Variants in YEATS2 observed in about 807,000 individuals in gnomAD.
YEATS2 encodes the protein YEATS domain containing 2, also known as YEATS domain-containing protein 2.
In YEATS2, 77 loss-of-function variants were observed where a neutral mutation model predicts 163.2. The observed-to-expected ratio is 0.47, with a 90% CI of 0.39 to 0.57. The LOEUF (loss-of-function observed/expected upper bound fraction) is 0.57, where lower values mean the gene tolerates loss of function less well. Among genes scored for constraint, YEATS2 ranks in the 20% least tolerant of loss-of-function variants. The pLI is 0.00. For missense variants in YEATS2, 1,549 were observed against 1,729.8 expected (o/e 0.90, Z 1.85); for synonymous variants, 631 against 645.1 (o/e 0.98, Z 0.33).
intron 1 of YEATS2, among the ~76,000 whole-genome samples, chr3:183,714,747 G>A (rs990974193): frequency 5.9e-5 from 9 of 152,142 alleles, no homozygotes; most frequent in African/African-American, 1.2e-4. Context: ...AAGACACTGT[G>A]TGGGCTAACC....
intron 6 of YEATS2, among the ~76,000 whole-genome samples, chr3:183,727,375 C>G (rs1253760918): frequency 6.6e-5 from 10 of 152,120 alleles, no homozygotes; most frequent in Admixed American, 3.9e-4. Flanking sequence ...CCCCAATTTT[C>G]TTGTGGCCTA....
In YEATS2 at chr3:183,729,089, G is replaced by A. The variant is rs186804145; in HGVS notation, c.812+238G>A. 8.5e-5 allele frequency among the ~76,000 whole-genome samples: 13 copies of A among 152,190 alleles called. No homozygotes were observed. In the East Asian group the frequency reaches 1.7e-3, roughly 20 times the overall value. On this transcript the variant is annotated intron_variant, in intron 7 of 30. Coordinates refer to ENST00000305135, the MANE Select transcript of YEATS2 (RefSeq NM_018023.5). Reference sequence around the variant, plus strand: ...AGATTGAGACCATCCTGGCTAACACGGTGAAACCCGGTCTCCACTAAAGAT... The same window carrying A: ...AGATTGAGACCATCCTGGCTAACACAGTGAAACCCGGTCTCCACTAAAGAT...
chr3:183,716,838 C>A (rs867815395), intron 2 of YEATS2, among the ~76,000 whole-genome samples: 1 of 151,914 alleles, frequency 6.6e-6, no homozygotes, highest in South Asian at 2.1e-4. Context: ...TTTCTCCCCC[C>A]ACCAGAATTT....
At chr3:183,800,987 C>T (rs564012788) in intron 24 of YEATS2, 12 of 170,470 alleles carry the variant, frequency 7.0e-5, no homozygotes, top group Non-Finnish European at 1.5e-4. Flanking sequence ...TCTAAAAATG[C>T]TTCCTGAGGT....
chr3:183,721,015 G>C (rs1471116628), intron 4 of YEATS2, among the ~76,000 whole-genome samples: 1 of 152,146 alleles, frequency 6.6e-6, no homozygotes, highest in African/African-American at 2.4e-5. Flanking sequence ...TTGATTACAT[G>C]AGCAATGATT....
chr3:183,771,287 C>T lies in YEATS2; in HGVS notation c.1948-1018C>T, dbSNP rs552922971. 4.6e-5 allele frequency among the ~76,000 whole-genome samples: 7 copies of T among 152,216 alleles called. 1 individual carries two copies. The highest frequency in any genetic ancestry group is 1.7e-4 in the African/African-American group (7 of 41,512). On this transcript the variant is annotated intron_variant, in intron 15 of 30. Transcript: ENST00000305135. ...GTAGATCATTTGCATTTCTTCCAAC[C>T]TTGTGGAAGTCTGTTCATCTAGTTT...
intron 15 of YEATS2, among the ~76,000 whole-genome samples, chr3:183,768,849 A>G (rs1284390054): frequency 6.6e-6 from 1 of 152,112 alleles, no homozygotes; most frequent in Non-Finnish European, 1.5e-5. Flanking sequence ...GCGTGTGCCC[A>G]TAATCCCAGC....
At chr3:183,704,521 A>G (rs561525679) in intron 1 of YEATS2, among the ~76,000 whole-genome samples, 15 of 152,166 alleles carry the variant, frequency 9.9e-5, no homozygotes, top group Admixed American at 4.6e-4. Flanking sequence ...TTTCCATATC[A>G]TGGTGAGCTA....
intron 1 of YEATS2, among the ~76,000 whole-genome samples, chr3:183,701,051 A>ATGTGTG (rs141939254): frequency 3.4e-5 from 5 of 147,424 alleles, no homozygotes; most frequent in Middle Eastern, 3.2e-3. Context: ...GTATATATAT[A>ATGTGTG]TGTGTGTGTG....
intron 8 of YEATS2, among the ~76,000 whole-genome samples, chr3:183,739,174 C>T (rs1718686025): frequency 6.6e-6 from 1 of 152,088 alleles, no homozygotes; most frequent in Admixed American, 6.6e-5. Context: ...CAAATTGTCC[C>T]TGTTTGCAGA....
At chr3:183,798,163 A>G (rs1440591719) in intron 22 of YEATS2, 112 bp downstream of exon 22, 1 of 1,477,678 alleles carries the variant, frequency 6.8e-7, no homozygotes, top group Non-Finnish European at 9.2e-7. Flanking sequence ...CTGTCACGGT[A>G]TTCCCAGCGC....
At chr3:183,754,072 GT>G (rs1452527095) in intron 10 of YEATS2, 53 bp from the exon 11 acceptor site, 15 of 1,496,558 alleles carry the variant, frequency 1.0e-5, no homozygotes, top group Non-Finnish European at 1.3e-5. Context: ...CAACGGTAAG[GT>G]TTTATTTCAA....
chr3:183,794,838 G>T (rs941539123), intron 21 of YEATS2, among the ~76,000 whole-genome samples: 1 of 152,052 alleles, frequency 6.6e-6, no homozygotes, highest in Non-Finnish European at 1.5e-5. Flanking sequence ...CCCATCTAGG[G>T]CTAGATTTGA....
intron 15 of YEATS2, among the ~76,000 whole-genome samples, chr3:183,763,756 C>G (rs1468579124): frequency 1.3e-5 from 2 of 152,134 alleles, no homozygotes; most frequent in Non-Finnish European, 2.9e-5. Context: ...GGCAGGTATA[C>G]TCTAAAGCTA....
intron 1 of YEATS2, among the ~76,000 whole-genome samples, chr3:183,700,660 G>A (rs146343231): frequency 0.023 from 2,930 of 129,862 alleles, 92 homozygotes; most frequent in East Asian, 0.15. Flanking sequence ...AATCCCAGCT[G>A]CTCGGGAGGC....
chr3:183,793,661 G>C (rs1344456482), intron 21 of YEATS2, among the ~76,000 whole-genome samples: 2 of 125,464 alleles, frequency 1.6e-5, no homozygotes, highest in African/African-American at 6.2e-5. Flanking sequence ...CGCCCAGTCT[G>C]GAGTGCAGTG....
intron 1 of YEATS2, among the ~76,000 whole-genome samples, chr3:183,708,872 T>A (rs539897735): frequency 6.6e-6 from 1 of 151,712 alleles, no homozygotes; most frequent in East Asian, 1.9e-4. Context: ...TCTAAAAAAA[T>A]TTTTTTTGGC....
chr3:183,706,757 C>A (rs936329582), intron 1 of YEATS2, among the ~76,000 whole-genome samples: 1 of 152,012 alleles, frequency 6.6e-6, no homozygotes, highest in African/African-American at 2.4e-5. Flanking sequence ...CGGAGGTTGC[C>A]GCGAGCTGAG....
chr3:183,802,535 G>GTATATATATATATATATATACACATA (rs11276625), intron 25 of YEATS2: 1 of 142,220 alleles, frequency 7.0e-6, no homozygotes, highest in African/African-American at 2.7e-5. Flanking sequence ...ATATACACGT[G>GTATATATATATATATATATACACATA]TATATACACA....
Sources: gnomAD v4.1 joint callset for allele counts (sites outside exome capture counted in the v4.1 genomes callset) on GRCh38, gnomAD v4.1.1 for gene constraint, MANE v1.5 for transcripts, NCBI Gene and HGNC (gene_info 2026-07-23, HGNC 2026-07-21) for gene names.